BABAM2: variants seen among roughly 807,000 people sequenced by gnomAD.
BABAM2 encodes BRISC and BRCA1-A complex member 2.
A neutral mutation model predicts 54.7 loss-of-function variants in BABAM2; 31 were observed. The ratio of observed to expected loss-of-function variants is 0.57; its 90% CI spans 0.43 to 0.77. The LOEUF (loss-of-function observed/expected upper bound fraction) is 0.77. Among genes scored for constraint, BABAM2 ranks in the 30% least tolerant of loss-of-function variants. The pLI, the probability that BABAM2 is intolerant of heterozygous loss-of-function variation, is 0.00. For synonymous variants in BABAM2, 167 were observed against 162.9 expected (o/e 1.03, Z -0.19); for missense variants, 364 against 455.8 (o/e 0.80, Z 1.83).
chr2:28,321,901 C>T (rs1225928101), intron 11 of BABAM2, among the ~76,000 whole-genome samples: 3 of 151,314 alleles, frequency 2.0e-5, no homozygotes, highest in African/African-American at 7.3e-5. Flanking sequence ...ACATCTGCTT[C>T]TCAAGTTTAG....
At position 27,937,591 on chromosome 2, in the gene BABAM2, T is replaced by C. The variant is rs186055713; in HGVS notation, c.205+7683T>C. On this transcript the variant is annotated intron_variant, in intron 3 of 11. Coordinates refer to ENST00000379624, the MANE Select transcript of BABAM2 (RefSeq NM_199191.3). ...TAGTGATGTTGAACATTTTTTCATA[T>C]ACTGGTTGACCATTTATATGTCTTT... 2.6e-5 allele frequency among the ~76,000 whole-genome samples: 4 copies of C among 152,374 alleles called. No homozygotes were observed. The East Asian group carries it at 7.7e-4, about 29-fold the overall frequency.
rs144509877 is a variant in BABAM2, at chr2:28,163,669, A to G, written c.680+34289A>G. On this transcript the variant is annotated intron_variant, in intron 7 of 11. Transcript: ENST00000379624. Reference sequence around the variant, plus strand: ...AGAGAAGTTGTGAACCCAGCCAGAAAGAAAGGTAAGGGTGAGGCAATCTGT... The same window carrying G: ...AGAGAAGTTGTGAACCCAGCCAGAAGGAAAGGTAAGGGTGAGGCAATCTGT... Among the ~76,000 whole-genome samples, 79 of 152,314 alleles carry G rather than the reference A, an allele frequency of 5.2e-4. 3 individuals carry two copies. Among genetic ancestry groups the G allele is most frequent in the African/African-American group, 1.8e-3 (74 of 41,582 alleles).
chr2:28,230,574 A>AAAG (rs1421151689), intron 7 of BABAM2, among the ~76,000 whole-genome samples: 2 of 150,852 alleles, frequency 1.3e-5, no homozygotes, highest in African/African-American at 2.4e-5. Flanking sequence ...AAAAAAAAAA[A>AAAG]TTAGCCAGGC....
At chr2:28,245,775 C>A (rs144517462) in intron 10 of BABAM2, among the ~76,000 whole-genome samples, 2 of 152,296 alleles carry the variant, frequency 1.3e-5, no homozygotes, top group African/African-American at 2.4e-5. Context: ...CCTTAATAAA[C>A]TACTGCAGGA....
At chr2:28,141,912 G>C (rs1351656621) in intron 7 of BABAM2, among the ~76,000 whole-genome samples, 1 of 152,140 alleles carries the variant, frequency 6.6e-6, no homozygotes, top group Non-Finnish European at 1.5e-5. Context: ...GCTGTAGAAG[G>C]TATGTTATGT....
intron 11 of BABAM2, among the ~76,000 whole-genome samples, chr2:28,313,014 C>T (rs1452682454): frequency 1.3e-5 from 2 of 152,194 alleles, no homozygotes; most frequent in Admixed American, 6.6e-5. Flanking sequence ...TTCCTGCTCC[C>T]TTGCTCACAG....
chr2:28,290,599 A>C (rs1687207513), intron 10 of BABAM2, among the ~76,000 whole-genome samples: 1 of 152,216 alleles, frequency 6.6e-6, no homozygotes, highest in Admixed American at 6.5e-5. Context: ...TAAGTGCTAG[A>C]AATACTAAAA....
At position 27,935,111 on chromosome 2, in the gene BABAM2, A is replaced by G. The variant is rs2148364355; in HGVS notation, c.205+5203A>G. On this transcript the variant is annotated intron_variant, in intron 3 of 11. Coordinates refer to ENST00000379624, the MANE Select transcript of BABAM2 (RefSeq NM_199191.3). The stretch of plus-strand genomic sequence containing the variant: ...AGTTAAGAAGGCAATGCCTGGCCTC[A>G]AAGGATAGACTGACTTTCTGATTAG... Among the ~76,000 whole-genome samples the G allele has an allele frequency of 1.3e-5, 2 of 152,360 alleles. 1 individual carries two copies. The highest frequency in any genetic ancestry group is 4.1e-4 in the South Asian group (2 of 4,830).
At chr2:28,321,512 G>A (rs1051888649) in intron 11 of BABAM2, among the ~76,000 whole-genome samples, 12 of 152,078 alleles carry the variant, frequency 7.9e-5, no homozygotes, top group South Asian at 2.1e-4. Context: ...AATAGGAATC[G>A]TGTGAAATCT....
intron 5 of BABAM2, among the ~76,000 whole-genome samples, chr2:28,025,664 G>C (rs978248147): frequency 2.0e-5 from 3 of 152,198 alleles, no homozygotes; most frequent in Admixed American, 1.3e-4. Context: ...ATATTCAGCA[G>C]TCAGAGGTGG....
intron 3 of BABAM2, among the ~76,000 whole-genome samples, chr2:27,962,776 C>T (rs1430103416): frequency 6.6e-6 from 1 of 152,134 alleles, no homozygotes; most frequent in Admixed American, 6.5e-5. Flanking sequence ...GAAAGAACTG[C>T]ATATGTTTTT....
intron 3 of BABAM2, among the ~76,000 whole-genome samples, chr2:27,964,584 C>T (rs1670706454): frequency 6.6e-6 from 1 of 152,122 alleles, no homozygotes; most frequent in Non-Finnish European, 1.5e-5. Flanking sequence ...TATGGTAGGC[C>T]ATACATGAGT....
chr2:28,237,352 C>T, intron 8 of BABAM2, 51 bp downstream of exon 8: 1 of 1,493,490 alleles, frequency 6.7e-7, no homozygotes. Context: ...TTCCTCCAGT[C>T]CACCACGTAC....
At chr2:28,154,078 A>G (rs1370713940) in intron 7 of BABAM2, among the ~76,000 whole-genome samples, 1 of 152,166 alleles carries the variant, frequency 6.6e-6, no homozygotes, top group African/African-American at 2.4e-5. Flanking sequence ...CAATAGACTG[A>G]CATGTGATGC....
chr2:28,330,542 A>G (rs1468441779), intron 11 of BABAM2, among the ~76,000 whole-genome samples: 1 of 152,212 alleles, frequency 6.6e-6, no homozygotes, highest in Non-Finnish European at 1.5e-5. Context: ...CCAACAGTAG[A>G]CAAGCAGAGA....
intron 10 of BABAM2, among the ~76,000 whole-genome samples, chr2:28,265,933 C>A (rs545714094): frequency 6.6e-6 from 1 of 152,008 alleles, no homozygotes; most frequent in East Asian, 1.9e-4. Flanking sequence ...TTAATTAGGC[C>A]TTTCAGAGTT....
intron 1 of BABAM2, among the ~76,000 whole-genome samples, chr2:27,894,198 C>G (rs1316904556): frequency 6.6e-6 from 1 of 152,012 alleles, no homozygotes; most frequent in East Asian, 1.9e-4. Context: ...GCGAGGGCTC[C>G]TTGGACTCAG....
intron 7 of BABAM2, among the ~76,000 whole-genome samples, chr2:28,190,456 G>A (rs1676774857): frequency 6.6e-6 from 1 of 152,178 alleles, no homozygotes; most frequent in Non-Finnish European, 1.5e-5. Flanking sequence ...GGAGCCCAAG[G>A]CAGGCAGATC....
At chr2:28,180,809 G>A (rs1675542623) in intron 7 of BABAM2, among the ~76,000 whole-genome samples, 1 of 152,060 alleles carries the variant, frequency 6.6e-6, no homozygotes, top group Non-Finnish European at 1.5e-5. Flanking sequence ...AGACATGAAT[G>A]TACATTTTTC....
Sources: gnomAD v4.1 joint callset for allele counts (sites outside exome capture counted in the v4.1 genomes callset) on GRCh38, gnomAD v4.1.1 for gene constraint, MANE v1.5 for transcripts, NCBI Gene and HGNC (gene_info 2026-07-23, HGNC 2026-07-21) for gene names.